TULP4: variants seen among roughly 807,000 people sequenced by gnomAD.
TULP4 encodes tubby-related protein 4.
A neutral mutation model predicts 129.0 loss-of-function variants in TULP4; 16 were observed. The observed-to-expected ratio is 0.12, with a 90% CI of 0.08 to 0.19. The LOEUF (loss-of-function observed/expected upper bound fraction) is 0.19. TULP4 is among the 10% of genes least tolerant of loss of function. The probability of loss-of-function intolerance (pLI) is 1.00; values close to 1 mark genes in which losing one functional copy is unlikely to be tolerated. For missense variants in TULP4, 1,842 were observed against 2,059.1 expected, an observed-to-expected ratio of 0.89 and a Z score of 2.04; for synonymous variants, 998 against 854.0, an observed-to-expected ratio of 1.17 and a Z score of -2.94.
chr6:158,325,018 A>T (rs1935434), intron 1 of TULP4, among the ~76,000 whole-genome samples: 131,079 of 152,236 alleles, frequency 0.86, 56,865 homozygotes, highest in South Asian at 0.93. Context: ...CATAGTCATG[A>T]TTATAAACAA....
At chr6:158,470,002 G>T (rs1262309202) in intron 6 of TULP4, among the ~76,000 whole-genome samples, 2 of 152,050 alleles carry the variant, frequency 1.3e-5, no homozygotes, top group African/African-American at 4.8e-5. Flanking sequence ...CCAAGGAATG[G>T]AATCTTGGGC....
At chr6:158,483,236 G>A (rs558165077) in intron 8 of TULP4, among the ~76,000 whole-genome samples, 1 of 152,274 alleles carries the variant, frequency 6.6e-6, no homozygotes, top group Non-Finnish European at 1.5e-5. Context: ...ATGTCACAAG[G>A]CACAATATAA....
At chr6:158,329,596 A>T (rs146996707) in intron 1 of TULP4, among the ~76,000 whole-genome samples, 6 of 152,244 alleles carry the variant, frequency 3.9e-5, no homozygotes, top group African/African-American at 1.2e-4. Flanking sequence ...AATGTTTAGG[A>T]CTTGGGAAGT....
intron 6 of TULP4, among the ~76,000 whole-genome samples, chr6:158,479,266 C>T (rs755726851): frequency 6.6e-6 from 1 of 152,186 alleles, no homozygotes; most frequent in Non-Finnish European, 1.5e-5. Context: ...ATGTGAGTTA[C>T]TGCACCACAA....
intron 1 of TULP4, among the ~76,000 whole-genome samples, chr6:158,274,965 G>T (rs114720858): frequency 1.3e-5 from 2 of 152,100 alleles, no homozygotes; most frequent in East Asian, 3.9e-4. Context: ...CTTCCATTTT[G>T]TTGTTCTCTC....
rs116024652 is a variant in TULP4, at chr6:158,449,701, T to C, written c.724+525T>C. Among the ~76,000 whole-genome samples the C allele has an allele frequency of 3.8e-3, 571 of 152,144 alleles. 6 individuals carry two copies. The highest frequency in any genetic ancestry group is 0.013 in the African/African-American group (548 of 41,508). ...TTATTTCAGGCAGAAGCTCTCCTCCTCCTCAGGTCTAAAAGACCTACTGCC... is the reference window on the plus strand; with the variant it reads ...TTATTTCAGGCAGAAGCTCTCCTCCCCCTCAGGTCTAAAAGACCTACTGCC... On this transcript the variant is annotated intron_variant, in intron 4 of 13. Coordinates refer to ENST00000367097, the MANE Select transcript of TULP4 (RefSeq NM_020245.5).
intron 1 of TULP4, among the ~76,000 whole-genome samples, chr6:158,367,601 A>G (rs1265804945): frequency 6.6e-6 from 1 of 152,224 alleles, no homozygotes; most frequent in East Asian, 1.9e-4. Context: ...AAAATAATTC[A>G]TGGTTAATTT....
intron 13 of TULP4, among the ~76,000 whole-genome samples, chr6:158,506,222 C>CTTTTTTTTTTTT (rs61292138): frequency 7.2e-5 from 4 of 55,502 alleles, no homozygotes; most frequent in Non-Finnish European, 9.9e-5. Flanking sequence ...TCGCCTTGTT[C>CTTTTTTTTTTTT]TTTTTTTTTT....
intron 1 of TULP4, among the ~76,000 whole-genome samples, chr6:158,410,831 G>A (rs1778082223): frequency 1.3e-5 from 2 of 152,052 alleles, no homozygotes; most frequent in Admixed American, 1.3e-4. Context: ...AAATGAATCT[G>A]GGTTTGTTGC....
intron 1 of TULP4, chr6:158,237,586 C>A: frequency 2.6e-6 from 4 of 1,519,778 alleles, no homozygotes; most frequent in Middle Eastern, 1.7e-4. Context: ...ACCCTTCTTT[C>A]TTCCCTGGTA....
intron 1 of TULP4, among the ~76,000 whole-genome samples, chr6:158,362,745 GTGTTGTT>G (rs1215732028): frequency 6.6e-6 from 1 of 152,212 alleles, no homozygotes; most frequent in Non-Finnish European, 1.5e-5. Context: ...TGCACACAGA[GTGTTGTT>G]TAGTGAATCT....
chr6:158,468,032 T>G (rs913924701), intron 6 of TULP4, among the ~76,000 whole-genome samples: 2 of 152,200 alleles, frequency 1.3e-5, no homozygotes, highest in Non-Finnish European at 2.9e-5. Context: ...AAAAGTACAC[T>G]GACACACAGA....
At position 158,283,155 on chromosome 6, in the gene TULP4, A is replaced by C. The variant is rs1012989086; in HGVS notation, n.116+777A>C. On this transcript the variant is annotated intron_variant and non_coding_transcript_variant, in intron 1 of 1. Transcript: ENST00000432358. ...CTCCGTCTCAAAAAAAAAAAAACAA[A>C]AAAAAACCCTATAAAGACGTTCATC... Among the ~76,000 whole-genome samples, 3 of 151,920 alleles carry C rather than the reference A, an allele frequency of 2.0e-5. No homozygotes were observed. The South Asian group carries it at 6.2e-4, about 32-fold the overall frequency.
intron 8 of TULP4, among the ~76,000 whole-genome samples, chr6:158,487,468 A>C (rs1470151717): frequency 1.3e-5 from 2 of 152,204 alleles, no homozygotes; most frequent in Non-Finnish European, 2.9e-5. Flanking sequence ...CAAAGCCTTC[A>C]ACCCAGAAGA....
At chr6:158,431,064 G>A (rs982175514) in intron 3 of TULP4, among the ~76,000 whole-genome samples, 9 of 151,960 alleles carry the variant, frequency 5.9e-5, no homozygotes, top group Admixed American at 2.0e-4. Flanking sequence ...TCAGCTCCAT[G>A]TTTCTTCCCT....
intron 4 of TULP4, among the ~76,000 whole-genome samples, chr6:158,449,731 T>C (rs1779126842): frequency 6.6e-6 from 1 of 152,128 alleles, no homozygotes; most frequent in South Asian, 2.1e-4. Context: ...ACTGCCTCTC[T>C]GTATACTCCA....
chr6:158,290,629 C>G (rs1191276306), intron 1 of TULP4, among the ~76,000 whole-genome samples: 3 of 152,052 alleles, frequency 2.0e-5, no homozygotes, highest in Non-Finnish European at 4.4e-5. Context: ...AAGTTTTATA[C>G]TTTATTTCTA....
intron 1 of TULP4, among the ~76,000 whole-genome samples, chr6:158,243,847 G>GGTGTGT (rs57298904): frequency 0.029 from 4,184 of 143,546 alleles, 137 homozygotes; most frequent in African/African-American, 0.084. Flanking sequence ...AGCTGAAATA[G>GGTGTGT]GTGTGTGTGT....
chr6:158,242,650 C>G, intron 1 of TULP4: 1 of 680,136 alleles, frequency 1.5e-6, no homozygotes, highest in Non-Finnish European at 2.8e-6. Flanking sequence ...CTGAAACTTC[C>G]TTTCTGGATA....
Sources: allele counts gnomAD v4.1 joint callset (sites outside exome capture counted in the v4.1 genomes callset), GRCh38; gene constraint gnomAD v4.1.1; transcripts MANE v1.5; gene names NCBI Gene and HGNC (gene_info 2026-07-23, HGNC 2026-07-21).